The following SIPA1L3 variants were observed in gnomAD, a reference collection of about 807,000 sequenced individuals.
The protein encoded by SIPA1L3 is signal induced proliferation associated 1 like 3, also known as signal-induced proliferation-associated 1-like protein 3.
A neutral mutation model predicts 150.1 loss-of-function variants in SIPA1L3; 59 were observed. The observed-to-expected ratio is 0.39, with a 90% CI of 0.32 to 0.49. The LOEUF (loss-of-function observed/expected upper bound fraction) is 0.49, where lower values mean the gene tolerates loss of function less well. Ranked by LOEUF, SIPA1L3 falls within the 20% of genes least tolerant of loss-of-function variation. The probability of loss-of-function intolerance (pLI) is 0.86; values close to 1 mark genes in which losing one functional copy is unlikely to be tolerated. For missense variants in SIPA1L3, 2,211 were observed against 2,489.5 expected (o/e 0.89, Z 2.38); for synonymous variants, 1,070 against 1,077.6 (o/e 0.99, Z 0.14).
intron 2 of SIPA1L3, among the ~76,000 whole-genome samples, chr19:38,048,780 C>T (rs1420141646): frequency 1.3e-5 from 2 of 152,160 alleles, no homozygotes; most frequent in Non-Finnish European, 2.9e-5. Flanking sequence ...GCATCATCCA[C>T]CCTCAGTTAA....
intron 1 of SIPA1L3, among the ~76,000 whole-genome samples, chr19:37,952,037 A>C (rs1228386992): frequency 6.6e-6 from 1 of 151,502 alleles, no homozygotes; most frequent in Admixed American, 6.6e-5. Context: ...CAAGGAAGGG[A>C]GGAGGTGAGT....
rs771144164 is a variant in SIPA1L3 at position 38,164,709 on chromosome 19, C to G, written c.4011C>G (p.Pro1337=). The G allele has an allele frequency of 6.2e-7, 1 of 1,613,994 alleles. No homozygotes were observed. The highest frequency in any genetic ancestry group is 1.1e-5 in the South Asian group (1 of 91,090). The change falls in exon 15 of 22, where the codon CCC becomes CCG. Residue 1337 remains proline (P), a synonymous_variant. Transcript: ENST00000222345. The surrounding 1 kb of genome is among the most constrained non-coding windows in gnomAD (Gnocchi z 4.1). ...KAPRPAKPHK[P]PGSMGLCGGG... is the part of the protein sequence containing the mutation. ...CACGGCCCGCCAAGCCACACAAGCCCCCTGGAAGTATGGGCCTTTGTGGCG... is the reference window on the plus strand; with the variant it reads ...CACGGCCCGCCAAGCCACACAAGCCGCCTGGAAGTATGGGCCTTTGTGGCG...
intron 10 of SIPA1L3, among the ~76,000 whole-genome samples, chr19:38,132,080 A>G (rs1359387775): frequency 6.6e-6 from 1 of 151,600 alleles, no homozygotes; most frequent in East Asian, 1.9e-4. Flanking sequence ...GCATCTCTGC[A>G]TCTCTGCCTA....
At chr19:38,107,313 C>A (rs1239177561) in intron 7 of SIPA1L3, among the ~76,000 whole-genome samples, 1 of 152,308 alleles carries the variant, frequency 6.6e-6, no homozygotes, top group South Asian at 2.1e-4. Context: ...TGGCCAAGCC[C>A]GAGGCTCATG....
At chr19:38,004,477 A>G (rs1227081586) in intron 1 of SIPA1L3, among the ~76,000 whole-genome samples, 1 of 152,186 alleles carries the variant, frequency 6.6e-6, no homozygotes, top group Non-Finnish European at 1.5e-5. Flanking sequence ...ATTGCCAGTG[A>G]CCCATTTTCC....
chr19:38,062,065 C>T lies in SIPA1L3; in HGVS notation c.-310-19191C>T, dbSNP rs562423806. 1.5e-4 allele frequency among the ~76,000 whole-genome samples: 22 copies of T among 151,696 alleles called. No homozygotes were observed. The South Asian group carries it at 3.1e-3, about 22-fold the overall frequency. On this transcript the variant is annotated intron_variant, in intron 2 of 21. Coordinates refer to ENST00000222345, the MANE Select transcript of SIPA1L3 (RefSeq NM_015073.3). ...TGCAGGTGCTGTTGAAAGGATGTAT[C>T]GCGTGCTTGCCATGTGCCCCTTAGT...
rs375022132 is a variant in SIPA1L3 at position 38,161,267 on chromosome 19, G to A, written c.3662-986G>A. Among the ~76,000 whole-genome samples, 45 of 148,502 alleles carry A rather than the reference G, an allele frequency of 3.0e-4. No individual in the cohort carries two copies. The South Asian group carries it at 9.5e-3, about 32-fold the overall frequency. On this transcript the variant is annotated intron_variant, in intron 13 of 21. Transcript: ENST00000222345. Reference sequence around the variant, plus strand: ...TGAGGCAGGAGAATCACTTGACCTGGGAGGCAGAGGTTGCAGTGAGCTGAG... The same window carrying A: ...TGAGGCAGGAGAATCACTTGACCTGAGAGGCAGAGGTTGCAGTGAGCTGAG...
intron 1 of SIPA1L3, among the ~76,000 whole-genome samples, chr19:37,996,394 T>C (rs1036314699): frequency 3.9e-5 from 6 of 152,310 alleles, no homozygotes; most frequent in Middle Eastern, 3.4e-3. Context: ...TTATTGTTTT[T>C]AATTGATAAG....
chr19:37,952,198 G>A (rs1032991546), intron 1 of SIPA1L3, among the ~76,000 whole-genome samples: 2 of 152,212 alleles, frequency 1.3e-5, no homozygotes, highest in Non-Finnish European at 1.5e-5. Context: ...GAGTGGAAAG[G>A]AGATGGAAAT....
intron 18 of SIPA1L3, among the ~76,000 whole-genome samples, chr19:38,194,102 C>T (rs1972867190): frequency 6.6e-6 from 1 of 152,082 alleles, no homozygotes; most frequent in South Asian, 2.1e-4. Flanking sequence ...CAGCTGTTGC[C>T]CTAGCACCCC....
At chr19:38,065,221 G>T (rs1047199560) in intron 2 of SIPA1L3, among the ~76,000 whole-genome samples, 1 of 152,072 alleles carries the variant, frequency 6.6e-6, no homozygotes. Context: ...TTGGCTCTGC[G>T]TGGGAGCCTG....
At chr19:38,032,961 CAG>C (rs900413112) in intron 2 of SIPA1L3, among the ~76,000 whole-genome samples, 3 of 152,204 alleles carry the variant, frequency 2.0e-5, no homozygotes, top group Non-Finnish European at 1.5e-5. Flanking sequence ...ACTGGCCTCA[CAG>C]GGCAATTTTC....
intron 8 of SIPA1L3, among the ~76,000 whole-genome samples, chr19:38,114,281 G>C (rs1970831302): frequency 6.6e-6 from 1 of 151,964 alleles, no homozygotes; most frequent in African/African-American, 2.4e-5. Context: ...AAATTAGCCA[G>C]TCATGGTGGC....
intron 1 of SIPA1L3, among the ~76,000 whole-genome samples, chr19:38,024,758 TC>T: frequency 6.6e-6 from 1 of 152,304 alleles, no homozygotes; most frequent in East Asian, 1.9e-4. Context: ...TTCGTCAGCT[TC>T]TTAGAAGGGT....
At chr19:38,098,323 G>A (rs1026491854) in intron 4 of SIPA1L3, among the ~76,000 whole-genome samples, 1 of 151,828 alleles carries the variant, frequency 6.6e-6, no homozygotes, top group Admixed American at 6.6e-5. Context: ...GGCTGCCACA[G>A]CTCCAAACAT....
intron 1 of SIPA1L3, among the ~76,000 whole-genome samples, chr19:38,016,931 CTG>C (rs1968248513): frequency 9.2e-6 from 1 of 108,352 alleles, no homozygotes; most frequent in Admixed American, 1.5e-4. Context: ...GAGTCTCACT[CTG>C]TCACCCAGGC....
rs573046270 is a variant in SIPA1L3 at position 38,082,199 on chromosome 19, G to A, written c.634G>A (p.Gly212Ser). ...YGSTSSIDVQ[G>S]MPEQSFFDIL... ...GAGCACCTCGTCCATCGACGTGCAGGGCATGCCCGAGCAGAGCTTCTTCGA... is the reference window on the plus strand; with the variant it reads ...GAGCACCTCGTCCATCGACGTGCAGAGCATGCCCGAGCAGAGCTTCTTCGA... Residue 212 changes from glycine to serine, a missense_variant, in exon 3 of 22, where the codon GGC becomes AGC. This residue lies in a region of SIPA1L3 where 587 missense variants were observed against 534.5 expected (regional missense o/e 1.10). Transcript: ENST00000222345. 6.9e-6 allele frequency: 11 copies of A among 1,603,498 alleles called. No homozygotes were observed. In the South Asian group the frequency reaches 1.1e-4, roughly 16 times the overall value.
intron 1 of SIPA1L3, among the ~76,000 whole-genome samples, chr19:37,911,615 T>C (rs934192951): frequency 1.3e-5 from 2 of 151,222 alleles, no homozygotes; most frequent in African/African-American, 4.9e-5. Flanking sequence ...TTCACGCCGT[T>C]CTCCTCTGCC....
chr19:38,115,947 G>T (rs1186881387), intron 8 of SIPA1L3, among the ~76,000 whole-genome samples: 2 of 152,166 alleles, frequency 1.3e-5, no homozygotes, highest in Non-Finnish European at 2.9e-5. Flanking sequence ...TCAAACAAAT[G>T]GATGAGTGTC....
Sources: allele counts gnomAD v4.1 joint callset (sites outside exome capture counted in the v4.1 genomes callset), GRCh38; gene constraint gnomAD v4.1.1; regional missense constraint gnomAD v4.1.1; non-coding constraint Gnocchi (gnomAD v3.1); transcripts MANE v1.5; gene names NCBI Gene and HGNC (gene_info 2026-07-23, HGNC 2026-07-21).